The following KLF12 variants were observed in gnomAD, a reference collection of about 807,000 sequenced individuals.
The protein encoded by KLF12 is KLF transcription factor 12.
KLF12 carries 9 observed loss-of-function variants against 37.8 expected under a neutral mutation model. The ratio of observed to expected loss-of-function variants is 0.24; its 90% CI spans 0.14 to 0.42. KLF12 has a LOEUF of 0.42. Ranked by LOEUF, KLF12 falls within the 10% of genes least tolerant of loss-of-function variation. The probability of loss-of-function intolerance (pLI) is 1.00; values close to 1 mark genes in which losing one functional copy is unlikely to be tolerated. For synonymous variants in KLF12, 208 were observed against 202.1 expected, an observed-to-expected ratio of 1.03 and a Z score of -0.25; for missense variants, 411 against 516.0, an observed-to-expected ratio of 0.80 and a Z score of 1.97.
chr13:73,710,724 C>T (rs1326307203), intron 7 of KLF12, among the ~76,000 whole-genome samples: 2 of 119,966 alleles, frequency 1.7e-5, no homozygotes, highest in Non-Finnish European at 3.5e-5. Context: ...TCTTCTTGAG[C>T]CCCCCTATTC....
At chr13:73,945,561 G>T (rs1309173945) in intron 2 of KLF12, among the ~76,000 whole-genome samples, 2 of 151,960 alleles carry the variant, frequency 1.3e-5, no homozygotes, top group African/African-American at 4.8e-5. Context: ...GCAGTATAGT[G>T]AAACTATTTC....
rs1253206680 is a variant in KLF12, at chr13:73,709,115, T to G, written c.1027+6253A>C. On this transcript the variant is annotated intron_variant, in intron 7 of 7. Coordinates refer to ENST00000377669, the MANE Select transcript of KLF12 (RefSeq NM_007249.5). ...TGTACACTCATGAAAATATACTTAT[T>G]TTTAATTTAGAAAGGCACTCCTCAG... Among the ~76,000 whole-genome samples, 8 of 152,224 alleles carry G rather than the reference T, an allele frequency of 5.3e-5. No individual in the cohort carries two copies. The East Asian group carries it at 1.5e-3, about 29-fold the overall frequency.
chr13:74,147,857 T>G, the KLF12 span, among the ~76,000 whole-genome samples: 6 of 152,226 alleles, frequency 3.9e-5, no homozygotes, highest in Middle Eastern at 6.8e-3. Context: ...ATTTTGAGCT[T>G]CTTTATCTTC....
At chr13:74,071,645 A>T (rs1874254001) in intron 1 of KLF12, among the ~76,000 whole-genome samples, 1 of 152,224 alleles carries the variant, frequency 6.6e-6, no homozygotes, top group South Asian at 2.1e-4. Flanking sequence ...GTGAGCCAAG[A>T]TCGCACCACT....
the KLF12 span, among the ~76,000 whole-genome samples, chr13:74,152,245 T>C: frequency 6.6e-6 from 1 of 152,220 alleles, no homozygotes; most frequent in Non-Finnish European, 1.5e-5. Flanking sequence ...GGCAGCAATA[T>C]TATACTAAGT....
intron 6 of KLF12, among the ~76,000 whole-genome samples, chr13:73,763,278 C>T (rs975332039): frequency 6.6e-6 from 1 of 152,116 alleles, no homozygotes; most frequent in African/African-American, 2.4e-5. Context: ...TGTGTGATAT[C>T]GTATATGTGC....
At chr13:74,239,882 C>G in the KLF12 span, among the ~76,000 whole-genome samples, 1 of 151,580 alleles carries the variant, frequency 6.6e-6, no homozygotes, top group East Asian at 1.9e-4. Context: ...ACTGATGGGT[C>G]TTGACTCTTT....
chr13:73,816,632 T>C (rs1163260587), intron 4 of KLF12, among the ~76,000 whole-genome samples: 1 of 152,260 alleles, frequency 6.6e-6, no homozygotes, highest in Non-Finnish European at 1.5e-5. Context: ...ATAAATCATG[T>C]CTGTCTGTAT....
chr13:74,270,549 A>T, the KLF12 span, among the ~76,000 whole-genome samples: 1 of 152,206 alleles, frequency 6.6e-6, no homozygotes, highest in Non-Finnish European at 1.5e-5. Context: ...TTGTGTTTGG[A>T]AAACTTTGTG....
chr13:74,163,483 A>T, the KLF12 span, among the ~76,000 whole-genome samples: 1 of 152,238 alleles, frequency 6.6e-6, no homozygotes, highest in East Asian at 1.9e-4. Context: ...CCAGGCACAG[A>T]AAGACAAACA....
At chr13:73,902,668 A>G (rs1288269359) in intron 3 of KLF12, among the ~76,000 whole-genome samples, 1 of 152,204 alleles carries the variant, frequency 6.6e-6, no homozygotes, top group Admixed American at 6.5e-5. Flanking sequence ...ACACAGTAAT[A>G]ATTCACTGTT....
intron 4 of KLF12, among the ~76,000 whole-genome samples, chr13:73,827,522 T>C (rs1226154320): frequency 6.6e-6 from 1 of 152,178 alleles, no homozygotes; most frequent in Non-Finnish European, 1.5e-5. Flanking sequence ...ACTCCCACCT[T>C]CCCCATTTAT....
rs75896286 is a variant in KLF12 at position 73,967,935 on chromosome 13, G to C, written c.34-23865C>G. On this transcript the variant is annotated intron_variant, in intron 2 of 7. Coordinates refer to ENST00000377669, the MANE Select transcript of KLF12 (RefSeq NM_007249.5). ...AGGCTCAGTGACCTGAAACTGCTGT[G>C]CTTCTTGAGTTCTTGTATCTGCATA... Among the ~76,000 whole-genome samples, 247 of 152,246 alleles carry C rather than the reference G, an allele frequency of 1.6e-3. 1 individual carries two copies. The highest frequency in any genetic ancestry group is 2.6e-3 in the Non-Finnish European group (178 of 68,018).
intron 3 of KLF12, among the ~76,000 whole-genome samples, chr13:73,928,954 A>T (rs1231373297): frequency 6.6e-6 from 1 of 152,196 alleles, no homozygotes; most frequent in East Asian, 1.9e-4. Context: ...TGAAAATTCA[A>T]TATTAGGATC....
At chr13:73,812,545 A>G (rs1882996748) in intron 5 of KLF12, among the ~76,000 whole-genome samples, 2 of 150,576 alleles carry the variant, frequency 1.3e-5, no homozygotes, top group South Asian at 4.1e-4. Flanking sequence ...TTATTCTACA[A>G]AAAAAAACAT....
chr13:74,164,602 G>A, the KLF12 span, among the ~76,000 whole-genome samples: 1 of 152,222 alleles, frequency 6.6e-6, no homozygotes, highest in Non-Finnish European at 1.5e-5. Context: ...AAAAGACTCA[G>A]TGAAGATCAT....
chr13:73,867,865 AG>A (rs1449011593), intron 3 of KLF12, among the ~76,000 whole-genome samples: 1 of 151,724 alleles, frequency 6.6e-6, no homozygotes, highest in Non-Finnish European at 1.5e-5. Context: ...TACTAAAAAT[AG>A]AAAAATTAGT....
chr13:74,002,017 A>C (rs1892293550), intron 1 of KLF12, among the ~76,000 whole-genome samples: 1 of 152,234 alleles, frequency 6.6e-6, no homozygotes, highest in Non-Finnish European at 1.5e-5. Flanking sequence ...AAAGGACTTA[A>C]TAGATTTGTT....
the KLF12 span, among the ~76,000 whole-genome samples, chr13:74,148,682 C>T: frequency 2.0e-5 from 3 of 152,228 alleles, no homozygotes; most frequent in South Asian, 6.2e-4. Context: ...AGTTTAGCAC[C>T]TTGTCCTCCT....
Sources: allele counts gnomAD v4.1 joint callset (sites outside exome capture counted in the v4.1 genomes callset), GRCh38; gene constraint gnomAD v4.1.1; transcripts MANE v1.5; gene names NCBI Gene and HGNC (gene_info 2026-07-23, HGNC 2026-07-21).